Variants in DCDC1 observed in about 807,000 individuals in gnomAD.
The protein encoded by DCDC1 is doublecortin domain-containing protein 1.
Under a neutral mutation model 178.3 loss-of-function variants are expected in DCDC1, and 200 were observed. That is an observed-to-expected ratio of 1.12 (90% CI 1.00 to 1.26). The LOEUF (loss-of-function observed/expected upper bound fraction) is 1.26, where lower values mean the gene tolerates loss of function less well. Among genes scored for constraint, DCDC1 ranks in the 50% most tolerant of loss-of-function variants. The pLI is 0.00. For missense variants in DCDC1, 1,983 were observed against 1,749.2 expected (o/e 1.13, Z -2.38); for synonymous variants, 690 against 604.8 (o/e 1.14, Z -2.07).
chr11:31,019,184 G>GT (rs1446649177), intron 20 of DCDC1, among the ~76,000 whole-genome samples: 2 of 152,084 alleles, frequency 1.3e-5, no homozygotes, highest in Non-Finnish European at 2.9e-5. Flanking sequence ...GGGTTTTGCA[G>GT]TTTTTAAGAG....
intron 20 of DCDC1, among the ~76,000 whole-genome samples, chr11:31,033,291 TAC>T (rs974556539): frequency 1.8e-4 from 28 of 152,190 alleles, no homozygotes; most frequent in African/African-American, 6.3e-4. Context: ...TACACACACA[TAC>T]ACACACACAT....
intron 23 of DCDC1, among the ~76,000 whole-genome samples, chr11:30,924,809 AC>A (rs1280910002): frequency 6.6e-6 from 1 of 152,134 alleles, no homozygotes; most frequent in Non-Finnish European, 1.5e-5. Flanking sequence ...GCGGTGGCCC[AC>A]ACCTGTAATC....
intron 6 of DCDC1, among the ~76,000 whole-genome samples, chr11:31,291,288 C>A (rs927319934): frequency 1.3e-5 from 2 of 151,960 alleles, no homozygotes; most frequent in Non-Finnish European, 2.9e-5. Flanking sequence ...GATTTCTTAT[C>A]TATGTTGCTT....
chr11:31,151,099 T>C (rs1965126103), intron 9 of DCDC1, among the ~76,000 whole-genome samples: 1 of 152,184 alleles, frequency 6.6e-6, no homozygotes, highest in South Asian at 2.1e-4. Flanking sequence ...GCTCTCAAAA[T>C]AACTTCAGCA....
chr11:31,025,375 C>CAT (rs1953154889), intron 20 of DCDC1, among the ~76,000 whole-genome samples: 1 of 151,710 alleles, frequency 6.6e-6, no homozygotes, highest in Non-Finnish European at 1.5e-5. Flanking sequence ...ACAATATCTA[C>CAT]ATATATTTCA....
At chr11:31,341,737 A>C (rs1188942010) in intron 1 of DCDC1, among the ~76,000 whole-genome samples, 1 of 151,820 alleles carries the variant, frequency 6.6e-6, no homozygotes, top group Admixed American at 6.6e-5. Context: ...TTTCAGCTCC[A>C]TTATAATCTC....
At chr11:31,088,976 G>A (rs541795976) in intron 17 of DCDC1, among the ~76,000 whole-genome samples, 12 of 152,134 alleles carry the variant, frequency 7.9e-5, no homozygotes, top group East Asian at 5.8e-4. Context: ...CTGGAATTAC[G>A]GGCATGAGCC....
At chr11:30,985,606 C>T (rs952673243) in intron 20 of DCDC1, among the ~76,000 whole-genome samples, 3 of 152,080 alleles carry the variant, frequency 2.0e-5, no homozygotes, top group Non-Finnish European at 4.4e-5. Flanking sequence ...TATCACCTCA[C>T]TTTACCCTTA....
intron 7 of DCDC1, among the ~76,000 whole-genome samples, chr11:31,285,730 C>G (rs1946774032): frequency 6.6e-6 from 1 of 151,934 alleles, no homozygotes; most frequent in Admixed American, 6.6e-5. Flanking sequence ...CCTTGACATC[C>G]ATATAGGAGT....
chr11:30,901,694 C>T (rs561122595), intron 32 of DCDC1, among the ~76,000 whole-genome samples: 10 of 152,128 alleles, frequency 6.6e-5, no homozygotes, highest in African/African-American at 1.9e-4. Context: ...ATTACTCCAA[C>T]CAGGCTTTAA....
At chr11:31,241,784 A>C in intron 8 of DCDC1, 168 bp from the exon 9 acceptor site, 1 of 375,582 alleles carries the variant, frequency 2.7e-6, no homozygotes. Context: ...GCCACCATGA[A>C]GGATGTATTT....
Position 30,884,032 on chromosome 11 carries a change from C to CTTTTTTTTTTTTTTTT in DCDC1, c.5083-2725_5083-2724insAAAAAAAAAAAAAAAA, listed in dbSNP as rs1565023304. 1.7e-4 allele frequency among the ~76,000 whole-genome samples: 8 copies of CTTTTTTTTTTTTTTTT among 47,890 alleles called. 1 individual carries two copies. The highest frequency in any genetic ancestry group is 2.7e-4 in the Non-Finnish European group (7 of 25,596). 31.4% of individuals were successfully genotyped at this position (47,890 alleles called of 152,430 possible). A position where few individuals can be genotyped will look rare whatever the true frequency, so the allele number is the denominator to read the frequency against. The stretch of plus-strand genomic sequence containing the variant: ...AAAAGAAAACCAAAGCATTCTTTCT[C>CTTTTTTTTTTTTTTTT]ATTTTTTTTTTTTTTTGAGACAGGG... On this transcript the variant is annotated intron_variant, in intron 36 of 38. Coordinates refer to ENST00000684477, the MANE Select transcript of DCDC1 (RefSeq NM_001387274.1).
intron 26 of DCDC1, 87 bp from the exon 27 acceptor site, chr11:30,915,798 T>C: frequency 7.2e-7 from 1 of 1,393,478 alleles, no homozygotes; most frequent in Non-Finnish European, 9.9e-7. Flanking sequence ...ATAAGTTCTG[T>C]TGGTGAGAGC....
chr11:30,931,717 A>G, intron 22 of DCDC1, 54 bp downstream of exon 22: 1 of 1,491,472 alleles, frequency 6.7e-7, no homozygotes, highest in Non-Finnish European at 9.0e-7. Context: ...TAAGAACACA[A>G]AATCTGTACA....
At chr11:30,993,575 CAT>C (rs1176934872) in intron 20 of DCDC1, among the ~76,000 whole-genome samples, 12 of 151,912 alleles carry the variant, frequency 7.9e-5, no homozygotes, top group Admixed American at 5.9e-4. Context: ...GCTAGACTGA[CAT>C]AGAGAAAAAC....
At chr11:31,063,125 G>C (rs889135272) in intron 20 of DCDC1, among the ~76,000 whole-genome samples, 2 of 151,958 alleles carry the variant, frequency 1.3e-5, no homozygotes, top group African/African-American at 2.4e-5. Flanking sequence ...GGCCATCAGA[G>C]AAATGCAAAT....
intron 1 of DCDC1, among the ~76,000 whole-genome samples, chr11:31,358,243 T>C (rs1391308651): frequency 1.3e-5 from 2 of 152,002 alleles, no homozygotes; most frequent in Non-Finnish European, 1.5e-5. Flanking sequence ...AACAGAGATA[T>C]AGATCAATGG....
chr11:31,014,157 G>A (rs748566221), intron 20 of DCDC1, among the ~76,000 whole-genome samples: 1 of 152,084 alleles, frequency 6.6e-6, no homozygotes, highest in African/African-American at 2.4e-5. Context: ...CTTTTAAGAA[G>A]GGGAACAGAC....
chr11:31,076,127 G>T (rs1956851086), intron 18 of DCDC1, among the ~76,000 whole-genome samples: 1 of 152,038 alleles, frequency 6.6e-6, no homozygotes, highest in South Asian at 2.1e-4. Context: ...CCAAAGTGCT[G>T]GGAGTACAGG....
Sources: allele counts gnomAD v4.1 joint callset (sites outside exome capture counted in the v4.1 genomes callset), GRCh38; gene constraint gnomAD v4.1.1; transcripts MANE v1.5; gene names NCBI Gene and HGNC (gene_info 2026-07-23, HGNC 2026-07-21).